PDE1A: variants seen among roughly 807,000 people sequenced by gnomAD.
The protein encoded by PDE1A is phosphodiesterase 1A, also known as dual specificity calcium/calmodulin-dependent 3',5'-cyclic nucleotide phosphodiesterase 1A.
Under a neutral mutation model 61.7 loss-of-function variants are expected in PDE1A, and 35 were observed. The observed-to-expected ratio is 0.57, with a 90% CI of 0.43 to 0.75. The LOEUF (loss-of-function observed/expected upper bound fraction) is 0.75, where lower values mean the gene tolerates loss of function less well. PDE1A is among the 30% of genes least tolerant of loss of function. PDE1A has a pLI of 0.00. For synonymous variants in PDE1A, 232 were observed against 213.2 expected (o/e 1.09, Z -0.77); for missense variants, 597 against 630.6 (o/e 0.95, Z 0.57).
chr2:182,561,151 T>C, the PDE1A span, among the ~76,000 whole-genome samples: 1 of 151,042 alleles, frequency 6.6e-6, no homozygotes, highest in Non-Finnish European at 1.5e-5. Context: ...TCCTGAATGG[T>C]AATGCCTAGG....
At chr2:182,428,988 G>C (rs978434775), upstream of PDE1A, among the ~76,000 whole-genome samples, 3 of 152,048 alleles carry the variant, frequency 2.0e-5, no homozygotes, top group Non-Finnish European at 4.4e-5. Flanking sequence ...CCAAAGGCTT[G>C]ATTACCAGCT....
chr2:182,498,040 C>T (rs1385217721), intron 2 of PDE1A, among the ~76,000 whole-genome samples: 2 of 98,596 alleles, frequency 2.0e-5, no homozygotes, highest in African/African-American at 4.8e-5. Flanking sequence ...AGCGAGATTG[C>T]GTCTCAAAAA....
upstream of PDE1A, among the ~76,000 whole-genome samples, chr2:182,430,829 C>T (rs1384791785): frequency 8.0e-6 from 1 of 124,636 alleles, no homozygotes; most frequent in African/African-American, 2.9e-5. Context: ...AAATTGGAAA[C>T]CATCATTCTC....
chr2:182,599,644 T>TAACA, the PDE1A span, among the ~76,000 whole-genome samples: 1 of 89,704 alleles, frequency 1.1e-5, no homozygotes, highest in Admixed American at 8.8e-5. Flanking sequence ...TTTTCAGAAA[T>TAACA]AACAAAAATA....
At chr2:182,288,965 T>A (rs868382267) in intron 1 of PDE1A, among the ~76,000 whole-genome samples, 2 of 152,160 alleles carry the variant, frequency 1.3e-5, no homozygotes, top group Middle Eastern at 6.8e-3. Flanking sequence ...GATTTGCCAT[T>A]AGGAGCAGTC....
chr2:182,608,534 C>G, the PDE1A span, among the ~76,000 whole-genome samples: 71 of 152,298 alleles, frequency 4.7e-4, 1 homozygote, highest in South Asian at 0.015. Flanking sequence ...GGCGTGGGCT[C>G]GGCGGCCCGG....
chr2:182,300,381 C>T (rs1695161379), intron 1 of PDE1A, among the ~76,000 whole-genome samples: 1 of 152,128 alleles, frequency 6.6e-6, no homozygotes, highest in African/African-American at 2.4e-5. Context: ...GGACTTGGTT[C>T]ATTGATAGGC....
intron 1 of PDE1A, among the ~76,000 whole-genome samples, chr2:182,299,945 G>A (rs1244824353): frequency 1.3e-5 from 2 of 152,112 alleles, no homozygotes; most frequent in Admixed American, 6.5e-5. Flanking sequence ...CTAGCAATAA[G>A]GACAACCACA....
intron 1 of PDE1A, among the ~76,000 whole-genome samples, chr2:182,337,330 C>T (rs1697898881): frequency 6.6e-6 from 1 of 152,116 alleles, no homozygotes. Flanking sequence ...CAGTTAATTT[C>T]ATGTAAACAT....
chr2:182,673,522 A>G, the PDE1A span, among the ~76,000 whole-genome samples: 3,761 of 152,200 alleles, frequency 0.025, 141 homozygotes, highest in African/African-American at 0.084. Flanking sequence ...TCATGAGAGA[A>G]TTATTTTTCA....
the PDE1A span, among the ~76,000 whole-genome samples, chr2:182,545,721 T>C: frequency 6.6e-6 from 1 of 152,222 alleles, no homozygotes; most frequent in Admixed American, 6.5e-5. Context: ...TCTGTTCCTC[T>C]GTAAAACATA....
At chr2:182,250,894 C>G (rs912664893) in intron 2 of PDE1A, among the ~76,000 whole-genome samples, 3 of 152,038 alleles carry the variant, frequency 2.0e-5, no homozygotes, top group Non-Finnish European at 4.4e-5. Flanking sequence ...CCAGGAGAGG[C>G]AGAAAGGACC....
intron 1 of PDE1A, among the ~76,000 whole-genome samples, chr2:182,396,283 G>A (rs1353721109): frequency 2.6e-5 from 4 of 152,224 alleles, no homozygotes; most frequent in African/African-American, 9.6e-5. Flanking sequence ...AGTGGTGAAG[G>A]GAAATCTTCC....
At position 182,176,303 on chromosome 2, in the gene PDE1A, T is replaced by C. The variant is rs1394264375; in HGVS notation, c.1517-8013A>G. 6.7e-4 allele frequency among the ~76,000 whole-genome samples: 100 copies of C among 149,222 alleles called. 3 individuals carry two copies. Among genetic ancestry groups the C allele is most frequent in the African/African-American group, 2.2e-3 (84 of 38,786 alleles). On this transcript the variant is annotated intron_variant, in intron 13 of 13. Coordinates refer to ENST00000351439, the Ensembl canonical transcript of PDE1A. ...TATGGCCATTTTCACGATATTGATT[T>C]TTCCTACCCATGAGCATGGAATGTT... is the stretch of plus-strand genomic sequence containing the variant.
chr2:182,640,112 C>T, the PDE1A span, among the ~76,000 whole-genome samples: 1 of 152,286 alleles, frequency 6.6e-6, no homozygotes, highest in African/African-American at 2.4e-5. Flanking sequence ...CTACAGGGTT[C>T]ACAAAAACCA....
the PDE1A span, among the ~76,000 whole-genome samples, chr2:182,650,073 C>T: frequency 1.3e-5 from 2 of 151,804 alleles, no homozygotes; most frequent in Admixed American, 6.6e-5. Flanking sequence ...GGTGATAGAG[C>T]GAGACTCTCT....
At chr2:182,661,293 T>C in the PDE1A span, among the ~76,000 whole-genome samples, 1 of 152,224 alleles carries the variant, frequency 6.6e-6, no homozygotes, top group Admixed American at 6.5e-5. Context: ...AGGTGTATAA[T>C]TTTCTGAGAT....
At chr2:182,597,077 T>C in the PDE1A span, among the ~76,000 whole-genome samples, 2 of 151,424 alleles carry the variant, frequency 1.3e-5, no homozygotes, top group Non-Finnish European at 2.9e-5. Flanking sequence ...CACCTGAGCC[T>C]GGAGGTTGAG....
At chr2:182,275,602 T>C (rs167284) in intron 1 of PDE1A, among the ~76,000 whole-genome samples, 3,826 of 152,232 alleles carry the variant, frequency 0.025, 70 homozygotes, top group African/African-American at 0.033. Context: ...ATAAGGTATT[T>C]AGTTCATCTT....
Sources: gnomAD v4.1 joint callset for allele counts (sites outside exome capture counted in the v4.1 genomes callset) on GRCh38, gnomAD v4.1.1 for gene constraint, MANE v1.5 for transcripts, NCBI Gene and HGNC (gene_info 2026-07-23, HGNC 2026-07-21) for gene names.